The following ANKFN1 variants were observed in gnomAD, a reference collection of about 807,000 sequenced individuals.
ANKFN1 encodes the protein ankyrin repeat and fibronectin type III domain containing 1.
ANKFN1 carries 74 observed loss-of-function variants against 108.7 expected under a neutral mutation model. The ratio of observed to expected loss-of-function variants is 0.68; its 90% confidence interval spans 0.56 to 0.83. The LOEUF is 0.83. ANKFN1 is among the 40% of genes least tolerant of loss of function. ANKFN1 has a pLI of 0.00. For missense variants in ANKFN1, 1,505 were observed against 1,382.3 expected, an observed-to-expected ratio of 1.09 and a Z score of -1.41; for synonymous variants, 547 against 516.2, an observed-to-expected ratio of 1.06 and a Z score of -0.81.
chr17:56,053,391 A>G (rs1283684397), intron 4 of ANKFN1, among the ~76,000 whole-genome samples: 1 of 152,184 alleles, frequency 6.6e-6, no homozygotes, highest in Non-Finnish European at 1.5e-5. Flanking sequence ...AGTGTAAATG[A>G]GAGCATACAA....
chr17:56,127,095 G>T (rs1906980841), intron 4 of ANKFN1, among the ~76,000 whole-genome samples: 1 of 152,138 alleles, frequency 6.6e-6, no homozygotes, highest in Non-Finnish European at 1.5e-5. Flanking sequence ...CATGAAATGG[G>T]TCTTTATATT....
intron 4 of ANKFN1, among the ~76,000 whole-genome samples, chr17:56,054,879 C>G (rs979388411): frequency 5.3e-5 from 8 of 152,088 alleles, no homozygotes; most frequent in Non-Finnish European, 7.4e-5. Context: ...GAGCAAGACC[C>G]TGTCTCAAAA....
intron 3 of ANKFN1, among the ~76,000 whole-genome samples, chr17:56,291,846 C>T (rs2044371915): frequency 6.6e-6 from 1 of 152,158 alleles, no homozygotes; most frequent in Non-Finnish European, 1.5e-5. Flanking sequence ...CAAATACTTG[C>T]CTCACAAATA....
chr17:56,511,188 G>T lies in ANKFN1; in HGVS notation c.3360G>T (p.Leu1120=). 1 of 1,535,962 alleles carries T rather than the reference G, an allele frequency of 6.5e-7. No homozygotes were observed. Among genetic ancestry groups the T allele is most frequent in the Non-Finnish European group, 8.7e-7 (1 of 1,146,846 alleles). The change falls in exon 21 of 21, where the codon CTG becomes CTT. Residue 1120 remains leucine, a synonymous_variant. Transcript: ENST00000682825. ...LSPPSGGRIT[L]PSPTGPDVSQ... is the part of the protein sequence containing the mutation. ...CGCCCTCTGGAGGCCGCATCACCCT[G>T]CCCAGCCCCACTGGCCCCGATGTGA...
intron 3 of ANKFN1, among the ~76,000 whole-genome samples, chr17:56,277,094 C>A (rs1567880046): frequency 6.6e-6 from 1 of 152,162 alleles, no homozygotes; most frequent in South Asian, 2.1e-4. Context: ...AATATAGAAG[C>A]CATTCATGCC....
chr17:56,377,988 C>A (rs2046989262), intron 8 of ANKFN1, among the ~76,000 whole-genome samples: 1 of 152,206 alleles, frequency 6.6e-6, no homozygotes, highest in South Asian at 2.1e-4. Flanking sequence ...TTTCCTACTT[C>A]ATTCCCTAAC....
chr17:56,515,109 G>A lies in ANKFN1; in HGVS notation c.*3840G>A, dbSNP rs754640116. The stretch of plus-strand genomic sequence containing the variant: ...CTCCAAGAGAAGGTATGTCTGCAAC[G>A]CATTTAAGTTGCCTAGTTATGTCAA... On this transcript the variant is annotated 3_prime_UTR_variant, in exon 21 of 21. Coordinates refer to ENST00000682825, the MANE Select transcript of ANKFN1 (RefSeq NM_001370326.1). 1.3e-5 allele frequency among the ~76,000 whole-genome samples: 2 copies of A among 151,964 alleles called. No homozygotes were observed. Among genetic ancestry groups the A allele is most frequent in the Non-Finnish European group, 2.9e-5 (2 of 67,994 alleles).
Position 56,228,880 on chromosome 17 carries a change from G to A in ANKFN1, c.53+923G>A, listed in dbSNP as rs1284304241. The stretch of plus-strand genomic sequence containing the variant: ...AGAATACATCTCAGTAGTCACTGAA[G>A]CATTTAATTAGACATTCTAGTACCT... On this transcript the variant is annotated intron_variant, in intron 3 of 20. Coordinates refer to ENST00000682825, the MANE Select transcript of ANKFN1 (RefSeq NM_001370326.1). 2.6e-5 allele frequency among the ~76,000 whole-genome samples: 4 copies of A among 152,044 alleles called. No homozygotes were observed. The South Asian group carries it at 8.3e-4, about 31-fold the overall frequency.
intron 3 of ANKFN1, among the ~76,000 whole-genome samples, chr17:56,273,366 T>C (rs2043840686): frequency 6.6e-6 from 1 of 152,230 alleles, no homozygotes; most frequent in Non-Finnish European, 1.5e-5. Context: ...TTGGATTTTT[T>C]TCCCAATTTT....
At chr17:56,252,564 T>C (rs181697067) in intron 3 of ANKFN1, among the ~76,000 whole-genome samples, 55 of 140,288 alleles carry the variant, frequency 3.9e-4, no homozygotes, top group Middle Eastern at 4.9e-3. Flanking sequence ...TCACTTGAGG[T>C]CAAGAGTTTG....
At chr17:56,193,531 A>G (rs1476689265) in intron 1 of ANKFN1, among the ~76,000 whole-genome samples, 3 of 152,006 alleles carry the variant, frequency 2.0e-5, no homozygotes, top group Admixed American at 2.0e-4. Flanking sequence ...GTTTTAAAAA[A>G]AAATACAGCT....
intron 4 of ANKFN1, among the ~76,000 whole-genome samples, chr17:56,132,039 C>T (rs939401020): frequency 2.0e-5 from 3 of 152,090 alleles, no homozygotes; most frequent in African/African-American, 7.2e-5. Context: ...GAATTCATGG[C>T]TTCATTTACT....
intron 4 of ANKFN1, among the ~76,000 whole-genome samples, chr17:56,062,005 G>A (rs1904983425): frequency 6.6e-6 from 1 of 152,168 alleles, no homozygotes; most frequent in Non-Finnish European, 1.5e-5. Flanking sequence ...AGTCATTTAG[G>A]AGCATGTTAT....
At chr17:56,328,786 A>G (rs79045996) in intron 4 of ANKFN1, among the ~76,000 whole-genome samples, 129 of 131,336 alleles carry the variant, frequency 9.8e-4, no homozygotes, top group African/African-American at 2.5e-3. Context: ...TAAAAAAAAA[A>G]GGGGGGGCAG....
At chr17:56,298,895 T>A (rs2044594007) in intron 3 of ANKFN1, among the ~76,000 whole-genome samples, 1 of 152,180 alleles carries the variant, frequency 6.6e-6, no homozygotes, top group African/African-American at 2.4e-5. Context: ...ACAGGAGAGT[T>A]AAGTTCTAAA....
Position 56,510,602 on chromosome 17 carries a change from C to T in ANKFN1, c.2774C>T (p.Ala925Val), listed in dbSNP as rs1344956092. Reference sequence around the variant, plus strand: ...GTCTACCTATCATCTCACGACATTGCGCAGCAGACCCTTAGCGGCCTAAGC... The same window carrying T: ...GTCTACCTATCATCTCACGACATTGTGCAGCAGACCCTTAGCGGCCTAAGC... ...DLVYLSSHDI[A>V]QQTLSGLSGS... The change falls in exon 21 of 21, where the codon GCG becomes GTG. Residue 925 changes from alanine to valine, a missense_variant. Physicochemically the swap from Ala to Val is moderately conservative, Grantham distance 64. Transcript: ENST00000682825. The T allele has an allele frequency of 5.9e-6, 9 of 1,536,046 alleles. No homozygotes were observed. The highest frequency in any genetic ancestry group is 2.7e-5 in the African/African-American group (2 of 73,054).
At chr17:56,323,549 G>A (rs1193544718) in intron 3 of ANKFN1, 3 of 152,646 alleles carry the variant, frequency 2.0e-5, no homozygotes, top group African/African-American at 4.8e-5. Context: ...CAAAGTAAGA[G>A]TGTGATCAAT....
In ANKFN1 at chr17:56,067,509, C is replaced by T. The variant is rs1411923493; in HGVS notation, c.288+21184C>T. ...AGGTGTTAGTTTGGCCTCTCTCCTT[C>T]CCCTTCCCTAAGACCTAAGTCAAGA... On this transcript the variant is annotated intron_variant, in intron 4 of 12. Transcript: ENST00000635860. Among the ~76,000 whole-genome samples the T allele has an allele frequency of 3.9e-5, 6 of 152,142 alleles. No homozygotes were observed. In the East Asian group the frequency reaches 1.2e-3, roughly 29 times the overall value.
chr17:56,359,235 GACAC>G (rs2046451164), intron 6 of ANKFN1, among the ~76,000 whole-genome samples: 1 of 152,066 alleles, frequency 6.6e-6, no homozygotes, highest in Non-Finnish European at 1.5e-5. Context: ...CATCGACACA[GACAC>G]ACACACATGC....
Sources: gnomAD v4.1 joint callset for allele counts (sites outside exome capture counted in the v4.1 genomes callset) on GRCh38, gnomAD v4.1.1 for gene constraint, MANE v1.5 for transcripts, NCBI Gene and HGNC (gene_info 2026-07-23, HGNC 2026-07-21) for gene names.